Variants in OR2L13 observed in about 807,000 individuals in gnomAD.
OR2L13 encodes the protein olfactory receptor family 2 subfamily L member 13, also known as olfactory receptor 2L13.
A neutral mutation model predicts 15.3 loss-of-function variants in OR2L13; 14 were observed. That is an observed-to-expected ratio of 0.91 (90% confidence interval 0.60 to 1.43). OR2L13 has a LOEUF of 1.43. Among genes scored for constraint, OR2L13 ranks in the 40% most tolerant of loss-of-function variants. The pLI is 0.00. For missense variants in OR2L13, 367 were observed against 387.9 expected (o/e 0.95, Z 0.45); for synonymous variants, 152 against 142.9 (o/e 1.06, Z -0.45).
chr1:248,070,765 T>G, the OR2L13 span, among the ~76,000 whole-genome samples: 1 of 152,056 alleles, frequency 6.6e-6, no homozygotes, highest in African/African-American at 2.4e-5. Context: ...AAGAATCAAA[T>G]AGACGCAATA....
chr1:247,996,996 A>C, the OR2L13 span: 1 of 152,220 alleles, frequency 6.6e-6, no homozygotes, highest in Non-Finnish European at 1.5e-5. Context: ...TAATATATCA[A>C]ATTGGCTGGT....
At chr1:247,956,920 G>A in the OR2L13 span, among the ~76,000 whole-genome samples, 121,451 of 152,002 alleles carry the variant, frequency 0.8, 52,694 homozygotes, top group South Asian at 0.95. Context: ...TCTTTTCCCA[G>A]TTGAATCCCC....
chr1:248,000,368 A>C, the OR2L13 span, among the ~76,000 whole-genome samples: 1 of 152,112 alleles, frequency 6.6e-6, no homozygotes, highest in East Asian at 1.9e-4. Flanking sequence ...AACTCTCTTC[A>C]AATCCTGTGA....
At chr1:247,996,762 G>A in the OR2L13 span, among the ~76,000 whole-genome samples, 1 of 152,046 alleles carries the variant, frequency 6.6e-6, no homozygotes, top group Non-Finnish European at 1.5e-5. Context: ...AATAGGTTTT[G>A]TCATCTGTCT....
chr1:247,951,073 T>TA, the OR2L13 span, among the ~76,000 whole-genome samples: 120,838 of 151,970 alleles, frequency 0.8, 52,422 homozygotes, highest in South Asian at 0.95. Context: ...TGATTAAAAA[T>TA]AAAAAATTAA....
the OR2L13 span, among the ~76,000 whole-genome samples, chr1:248,014,724 T>C: frequency 6.6e-6 from 1 of 152,132 alleles, no homozygotes; most frequent in African/African-American, 2.4e-5. Context: ...TCTTCAATGA[T>C]ACACCCAGTC....
chr1:248,067,623 G>C, the OR2L13 span, among the ~76,000 whole-genome samples: 1 of 152,212 alleles, frequency 6.6e-6, no homozygotes, highest in Admixed American at 6.5e-5. Flanking sequence ...CATCTCACTA[G>C]GGAGTGCCAG....
chr1:248,070,706 C>A, the OR2L13 span, among the ~76,000 whole-genome samples: 1 of 151,784 alleles, frequency 6.6e-6, no homozygotes, highest in Non-Finnish European at 1.5e-5. Flanking sequence ...TTGAAAGGAT[C>A]AACAAAATTG....
chr1:248,003,415 G>A, the OR2L13 span: 10 of 1,609,896 alleles, frequency 6.2e-6, no homozygotes, highest in African/African-American at 8.0e-5. Context: ...CCTTCACTGG[G>A]TGTGGGATTC....
At chr1:247,952,433 A>C in the OR2L13 span, among the ~76,000 whole-genome samples, 1 of 152,190 alleles carries the variant, frequency 6.6e-6, no homozygotes, top group Non-Finnish European at 1.5e-5. Context: ...TTCTTGAATA[A>C]GATTAATGCC....
the OR2L13 span, chr1:248,041,849 G>A: frequency 8.5e-5 from 13 of 152,176 alleles, no homozygotes; most frequent in Non-Finnish European, 1.6e-4. Flanking sequence ...TCATTAAAAC[G>A]TCAGGAAACA....
chr1:247,945,035 T>G, the OR2L13 span, among the ~76,000 whole-genome samples: 1 of 152,174 alleles, frequency 6.6e-6, no homozygotes, highest in African/African-American at 2.4e-5. Flanking sequence ...TGGTTATTTC[T>G]TACCTTTTGC....
At chr1:248,099,021 G>A (rs965691032) in intron 2 of OR2L13, among the ~76,000 whole-genome samples, 1 of 152,022 alleles carries the variant, frequency 6.6e-6, no homozygotes, top group African/African-American at 2.4e-5. Flanking sequence ...ACATTTAATT[G>A]TGTTGTTCTA....
At chr1:248,007,652 C>T in the OR2L13 span, among the ~76,000 whole-genome samples, 1 of 152,184 alleles carries the variant, frequency 6.6e-6, no homozygotes, top group South Asian at 2.1e-4. Context: ...TCGTTTTAGC[C>T]ATTTTTCTTT....
At chr1:248,048,574 A>C in the OR2L13 span, among the ~76,000 whole-genome samples, 2 of 152,136 alleles carry the variant, frequency 1.3e-5, no homozygotes, top group African/African-American at 2.4e-5. Flanking sequence ...TACTGTAGAC[A>C]TGCAGATTCA....
chr1:247,967,877 T>C, the OR2L13 span, among the ~76,000 whole-genome samples: 2 of 151,844 alleles, frequency 1.3e-5, no homozygotes, highest in African/African-American at 2.4e-5. Context: ...CTCCTCCTCG[T>C]CCTTCCTTCC....
the OR2L13 span, chr1:248,039,117 C>T: frequency 1.2e-6 from 2 of 1,614,134 alleles, no homozygotes; most frequent in Non-Finnish European, 8.5e-7. Context: ...CACCCCAATG[C>T]TCAACCCCAT....
the OR2L13 span, among the ~76,000 whole-genome samples, chr1:248,044,609 C>G: frequency 7.3e-5 from 9 of 124,016 alleles, no homozygotes; most frequent in South Asian, 6.6e-4. Context: ...CGAGACCATC[C>G]TGGCTAACAA....
At chr1:248,077,364 G>A in the OR2L13 span, among the ~76,000 whole-genome samples, 1 of 152,304 alleles carries the variant, frequency 6.6e-6, no homozygotes, top group Non-Finnish European at 1.5e-5. Flanking sequence ...CATAAAATGA[G>A]TTAGGGAGGA....
Sources: gnomAD v4.1 joint callset for allele counts (sites outside exome capture counted in the v4.1 genomes callset) on GRCh38, gnomAD v4.1.1 for gene constraint, MANE v1.5 for transcripts, NCBI Gene and HGNC (gene_info 2026-07-23, HGNC 2026-07-21) for gene names.